The following PTPRD variants were observed in gnomAD, a reference collection of about 807,000 sequenced individuals.
PTPRD encodes the protein receptor-type tyrosine-protein phosphatase delta.
PTPRD carries 34 observed loss-of-function variants against 214.5 expected under a neutral mutation model. The observed-to-expected ratio is 0.16, with a 90% CI of 0.12 to 0.21. The LOEUF is 0.21. PTPRD is among the 10% of genes least tolerant of loss of function. The pLI is 1.00. For synonymous variants in PTPRD, 1,128 were observed against 845.7 expected, an observed-to-expected ratio of 1.33 and a Z score of -5.79; for missense variants, 2,545 against 2,398.7, an observed-to-expected ratio of 1.06 and a Z score of -1.27.
chr9:8,759,375 G>C (rs892962800), intron 11 of PTPRD, among the ~76,000 whole-genome samples: 3 of 151,886 alleles, frequency 2.0e-5, no homozygotes, highest in African/African-American at 7.3e-5. Flanking sequence ...TTGTAATTTT[G>C]ATCTCTATTG....
At chr9:9,901,832 T>G (rs2076472592) in intron 5 of PTPRD, among the ~76,000 whole-genome samples, 1 of 152,144 alleles carries the variant, frequency 6.6e-6, no homozygotes, top group South Asian at 2.1e-4. Context: ...AGCACATCTT[T>G]ACATGTCAGA....
At chr9:8,701,288 A>G (rs1021834920) in intron 12 of PTPRD, 2 of 152,240 alleles carry the variant, frequency 1.3e-5, no homozygotes, top group Admixed American at 6.5e-5. Flanking sequence ...TACATTTAAT[A>G]TTTCAACTCA....
At chr9:9,377,751 G>A (rs572716302) in intron 9 of PTPRD, among the ~76,000 whole-genome samples, 2 of 152,146 alleles carry the variant, frequency 1.3e-5, no homozygotes, top group South Asian at 2.1e-4. Context: ...TGGGTGGTGG[G>A]GGCTCAGGGG....
intron 6 of PTPRD, among the ~76,000 whole-genome samples, chr9:9,753,460 A>G (rs1252435930): frequency 6.6e-6 from 1 of 152,080 alleles, no homozygotes; most frequent in Non-Finnish European, 1.5e-5. Flanking sequence ...AGGCTAAAGC[A>G]CGCAAGGCTA....
chr9:9,595,760 A>G (rs997421815), intron 7 of PTPRD, among the ~76,000 whole-genome samples: 14 of 151,926 alleles, frequency 9.2e-5, no homozygotes, highest in African/African-American at 3.4e-4. Context: ...GCAAAGACAT[A>G]AGAATGATAC....
At chr9:8,617,661 G>C (rs1272207736) in intron 14 of PTPRD, among the ~76,000 whole-genome samples, 2 of 151,974 alleles carry the variant, frequency 1.3e-5, no homozygotes, top group African/African-American at 4.8e-5. Context: ...TTACAGTCTT[G>C]ATTTTAAAAA....
chr9:8,628,035 C>A (rs750427653), intron 14 of PTPRD, among the ~76,000 whole-genome samples: 2 of 151,822 alleles, frequency 1.3e-5, no homozygotes, highest in Non-Finnish European at 2.9e-5. Context: ...ATTGTCAGCA[C>A]GTTTGTTCTG....
chr9:9,351,146 T>G (rs2138177747), intron 9 of PTPRD, among the ~76,000 whole-genome samples: 1 of 152,164 alleles, frequency 6.6e-6, no homozygotes, highest in South Asian at 2.1e-4. Flanking sequence ...CACCGAGCTT[T>G]TCTTAGAAGG....
intron 39 of PTPRD, among the ~76,000 whole-genome samples, chr9:8,367,468 G>A (rs1042260493): frequency 1.3e-5 from 2 of 152,096 alleles, no homozygotes; most frequent in Non-Finnish European, 2.9e-5. Flanking sequence ...TGTATAGGAC[G>A]GCTCTCATAG....
chr9:10,149,741 T>C (rs1487482702), intron 3 of PTPRD, among the ~76,000 whole-genome samples: 10 of 151,856 alleles, frequency 6.6e-5, no homozygotes, highest in Non-Finnish European at 1.0e-4. Flanking sequence ...TTCTTTTTTT[T>C]TTTTTCTGAG....
chr9:9,693,043 T>C (rs2097302870), intron 7 of PTPRD, among the ~76,000 whole-genome samples: 1 of 152,084 alleles, frequency 6.6e-6, no homozygotes, highest in South Asian at 2.1e-4. Flanking sequence ...ATTCTCAAAA[T>C]ATAAGATCAT....
chr9:9,896,370 A>G (rs1406308538), intron 5 of PTPRD, among the ~76,000 whole-genome samples: 2 of 152,014 alleles, frequency 1.3e-5, no homozygotes, highest in East Asian at 3.9e-4. Flanking sequence ...TTCAGCTTCA[A>G]ATCATTTTTT....
At chr9:10,163,081 C>G (rs1233511217) in intron 3 of PTPRD, among the ~76,000 whole-genome samples, 1 of 150,892 alleles carries the variant, frequency 6.6e-6, no homozygotes, top group Non-Finnish European at 1.5e-5. Flanking sequence ...GAAAAGGAAT[C>G]ATGAAATAAA....
At chr9:9,532,135 A>G (rs962145432) in intron 8 of PTPRD, among the ~76,000 whole-genome samples, 3 of 152,118 alleles carry the variant, frequency 2.0e-5, no homozygotes, top group African/African-American at 7.2e-5. Context: ...ATGAATATAA[A>G]CCATATGCAG....
chr9:9,207,743 A>G (rs1032211229), intron 9 of PTPRD, among the ~76,000 whole-genome samples: 96 of 152,148 alleles, frequency 6.3e-4, no homozygotes, highest in Non-Finnish European at 1.2e-3. Flanking sequence ...ATACTTAACA[A>G]TATTTGGTCA....
intron 3 of PTPRD, among the ~76,000 whole-genome samples, chr9:10,152,728 G>C (rs575118746): frequency 2.0e-5 from 3 of 152,314 alleles, no homozygotes; most frequent in South Asian, 4.1e-4. Flanking sequence ...AAGAGGCTGA[G>C]GCAGGAGAAT....
chr9:9,237,422 C>A (rs929708397), intron 9 of PTPRD, among the ~76,000 whole-genome samples: 1 of 152,010 alleles, frequency 6.6e-6, no homozygotes, highest in Admixed American at 6.6e-5. Flanking sequence ...AGAGTGAGAC[C>A]CTATCTTTAC....
At chr9:10,264,655 A>C (rs2093930539) in intron 3 of PTPRD, among the ~76,000 whole-genome samples, 1 of 152,182 alleles carries the variant, frequency 6.6e-6, no homozygotes. Flanking sequence ...GCCTTGTTTC[A>C]GATGAGACTT....
chr9:9,410,987 G>C (rs1053155087), intron 8 of PTPRD, among the ~76,000 whole-genome samples: 1 of 152,078 alleles, frequency 6.6e-6, no homozygotes, highest in African/African-American at 2.4e-5. Context: ...CAAATGAAAA[G>C]TAGGCCAAAT....
Sources: allele counts gnomAD v4.1 joint callset (sites outside exome capture counted in the v4.1 genomes callset), GRCh38; gene constraint gnomAD v4.1.1; transcripts MANE v1.5; gene names NCBI Gene and HGNC (gene_info 2026-07-23, HGNC 2026-07-21).